CCND3: variants seen among roughly 807,000 people sequenced by gnomAD.
CCND3 encodes the protein cyclin D3.
A neutral mutation model predicts 28.7 loss-of-function variants in CCND3; 9 were observed. The ratio of observed to expected loss-of-function variants is 0.31; its 90% CI spans 0.19 to 0.55. The LOEUF (loss-of-function observed/expected upper bound fraction) is 0.55, where lower values mean the gene tolerates loss of function less well. Among genes scored for constraint, CCND3 ranks in the 20% least tolerant of loss-of-function variants. The pLI, the probability that CCND3 is intolerant of heterozygous loss-of-function variation, is 0.93. For missense variants in CCND3, 315 were observed against 385.8 expected (o/e 0.82, Z 1.54); for synonymous variants, 164 against 163.9 (o/e 1.00, Z 0.00).
At chr6:42,014,440 T>A (rs1156902760) in intron 1 of CCND3, among the ~76,000 whole-genome samples, 1 of 152,078 alleles carries the variant, frequency 6.6e-6, no homozygotes, top group Non-Finnish European at 1.5e-5. Flanking sequence ...CAACAATATA[T>A]TAACTCCCTT....
intron 1 of CCND3, among the ~76,000 whole-genome samples, chr6:41,970,633 C>T (rs1402790739): frequency 3.9e-5 from 6 of 152,236 alleles, no homozygotes; most frequent in African/African-American, 1.4e-4. Flanking sequence ...AAACAGCAAG[C>T]CTGTATTATG....
upstream of CCND3, chr6:42,049,642 T>G (rs1392351806): frequency 1.3e-5 from 2 of 152,268 alleles, no homozygotes; most frequent in African/African-American, 4.8e-5. Context: ...TCCCGCCCCC[T>G]AGACTTGCCT....
At chr6:42,047,510 C>G (rs1304047650) in intron 1 of CCND3, among the ~76,000 whole-genome samples, 3 of 152,174 alleles carry the variant, frequency 2.0e-5, no homozygotes, top group Non-Finnish European at 4.4e-5. Flanking sequence ...GAAACAGTCT[C>G]AGAGTCCAGG....
intron 1 of CCND3, among the ~76,000 whole-genome samples, chr6:41,976,015 G>A (rs973765423): frequency 2.0e-5 from 3 of 151,824 alleles, no homozygotes; most frequent in African/African-American, 7.3e-5. Context: ...ACCAAGCCTG[G>A]GCAACATACC....
rs1242492917 is a variant in CCND3, at chr6:41,941,713, C to G, written c.-64G>C. The G allele has an allele frequency of 5.1e-6, 6 of 1,178,482 alleles. No homozygotes were observed. The allele number at this position is 1,178,482 out of a possible 1,614,324, so 73.0% of individuals were successfully genotyped here. On this transcript the variant is annotated 5_prime_UTR_variant, in exon 1 of 5. Coordinates refer to ENST00000372991, the MANE Select transcript of CCND3 (RefSeq NM_001760.5). The surrounding 1 kb of genome is among the most constrained non-coding windows in gnomAD (Gnocchi z 6.1). Reference sequence around the variant, plus strand: ...GCGAGTCCCAAGGCAGGCGACGGGCCGGAGAGCGCGGGGCGCGGGTCTGGC... The same window carrying G: ...GCGAGTCCCAAGGCAGGCGACGGGCGGGAGAGCGCGGGGCGCGGGTCTGGC...
chr6:41,952,822 G>GTA (rs1372261833), intron 1 of CCND3, among the ~76,000 whole-genome samples: 1 of 151,866 alleles, frequency 6.6e-6, no homozygotes, highest in African/African-American at 2.4e-5. Flanking sequence ...GTGTGTGTGT[G>GTA]TGTGTGTGTG....
intron 1 of CCND3, among the ~76,000 whole-genome samples, chr6:41,974,219 A>G (rs1762106996): frequency 6.6e-6 from 1 of 152,192 alleles, no homozygotes; most frequent in South Asian, 2.1e-4. Flanking sequence ...AACAGTGCCT[A>G]GCACAACTCA....
chr6:42,008,635 T>C (rs1283635391), intron 1 of CCND3, among the ~76,000 whole-genome samples: 1 of 152,238 alleles, frequency 6.6e-6, no homozygotes, highest in Admixed American at 6.5e-5. Context: ...AAATATTCTA[T>C]CCTGCTGAAA....
rs1200685158 is a variant in CCND3 at position 41,935,480 on chromosome 6, T to C, written c.*460A>G. ...AAGTACTGAGAGGAGCCATCTAGAC[T>C]ATTCCCCCTCATATGTGTCTATCAT... On this transcript the variant is annotated 3_prime_UTR_variant, in exon 5 of 5. Coordinates refer to ENST00000372991, the MANE Select transcript of CCND3 (RefSeq NM_001760.5). 7.2e-6 allele frequency: 2 copies of C among 277,458 alleles called. No individual in the cohort carries two copies. The highest frequency in any genetic ancestry group is 1.4e-5 in the Non-Finnish European group (2 of 146,002). The allele number at this position is 277,458 out of a possible 1,614,324, so 17.2% of individuals were successfully genotyped here.
At chr6:41,990,530 A>T (rs765902874) in intron 1 of CCND3, among the ~76,000 whole-genome samples, 1 of 152,168 alleles carries the variant, frequency 6.6e-6, no homozygotes, top group African/African-American at 2.4e-5. Flanking sequence ...GCATTACACT[A>T]CCAGTCTTCA....
At chr6:41,955,280 C>T (rs1776409843) in intron 1 of CCND3, among the ~76,000 whole-genome samples, 1 of 151,944 alleles carries the variant, frequency 6.6e-6, no homozygotes, top group African/African-American at 2.4e-5. Context: ...CACTTATGAA[C>T]ATGGATGCAA....
At chr6:42,045,910 G>A (rs1056899831) in intron 1 of CCND3, among the ~76,000 whole-genome samples, 17 of 152,328 alleles carry the variant, frequency 1.1e-4, no homozygotes, top group African/African-American at 1.9e-4. Flanking sequence ...GGGCCAGGGC[G>A]TGCCAAGGGC....
intron 1 of CCND3, among the ~76,000 whole-genome samples, chr6:42,014,410 C>G (rs1238029016): frequency 7.4e-6 from 1 of 135,232 alleles, no homozygotes; most frequent in Admixed American, 7.1e-5. Context: ...AAAACAAAGG[C>G]CTCCCTGTCT....
At chr6:41,981,648 T>C (rs1289861183) in intron 1 of CCND3, among the ~76,000 whole-genome samples, 1 of 152,042 alleles carries the variant, frequency 6.6e-6, no homozygotes, top group East Asian at 1.9e-4. Flanking sequence ...CCCAGCCTCC[T>C]GAGTAGCTGA....
chr6:41,935,831 G>T lies in CCND3; in HGVS notation c.*109C>A. ...AGATCCCTTGGGCTTTGTGAAGGGGGAACAGACGCCCCTTCAGGCTTAGAT... is the reference window on the plus strand; with the variant it reads ...AGATCCCTTGGGCTTTGTGAAGGGGTAACAGACGCCCCTTCAGGCTTAGAT... On this transcript the variant is annotated 3_prime_UTR_variant, in exon 5 of 5. Transcript: ENST00000372991. 2 of 1,076,444 alleles carry T rather than the reference G, an allele frequency of 1.9e-6. No homozygotes were observed. Among genetic ancestry groups the T allele is most frequent in the Non-Finnish European group, 2.8e-6 (2 of 725,444 alleles). The allele number at this position is 1,076,444 out of a possible 1,614,324, so 66.7% of individuals were successfully genotyped here. A position where few individuals can be genotyped will look rare whatever the true frequency, so the allele number is the denominator to read the frequency against.
upstream of CCND3, among the ~76,000 whole-genome samples, chr6:41,944,576 C>T (rs1776123133): frequency 6.6e-6 from 1 of 152,092 alleles, no homozygotes; most frequent in Admixed American, 6.5e-5. Context: ...TGCATACCAC[C>T]ATGCCCGGCT....
intron 1 of CCND3, among the ~76,000 whole-genome samples, chr6:41,951,723 T>C (rs1378675271): frequency 6.6e-6 from 1 of 151,918 alleles, no homozygotes; most frequent in African/African-American, 2.4e-5. Flanking sequence ...GTAATAATAC[T>C]ATTAGGTAGT....
At chr6:41,977,468 G>A (rs1043604607) in intron 1 of CCND3, among the ~76,000 whole-genome samples, 2 of 152,074 alleles carry the variant, frequency 1.3e-5, no homozygotes, top group African/African-American at 4.8e-5. Flanking sequence ...CCAGGTTCAG[G>A]CGATTCTCCT....
intron 1 of CCND3, among the ~76,000 whole-genome samples, chr6:41,955,924 C>G (rs1323685815): frequency 6.6e-6 from 1 of 151,958 alleles, no homozygotes; most frequent in Admixed American, 6.6e-5. Flanking sequence ...GGCAGCAGAG[C>G]GAAACCGTAT....
Sources: gnomAD v4.1 joint callset for allele counts (sites outside exome capture counted in the v4.1 genomes callset) on GRCh38, gnomAD v4.1.1 for gene constraint, Gnocchi (gnomAD v3.1) non-coding constraint, MANE v1.5 for transcripts, NCBI Gene and HGNC (gene_info 2026-07-23, HGNC 2026-07-21) for gene names.